The following ZNF583 variants were observed in gnomAD, a reference collection of about 807,000 sequenced individuals.
ZNF583 encodes zinc finger protein 583.
In ZNF583, 30 loss-of-function variants were observed where a neutral mutation model predicts 55.3. That is an observed-to-expected ratio of 0.54 (90% CI 0.41 to 0.74). The LOEUF (loss-of-function observed/expected upper bound fraction) is 0.74, where lower values mean the gene tolerates loss of function less well. Among genes scored for constraint, ZNF583 ranks in the 30% least tolerant of loss-of-function variants. The probability of loss-of-function intolerance (pLI) is 0.00; values close to 1 mark genes in which losing one functional copy is unlikely to be tolerated. For synonymous variants in ZNF583, 208 were observed against 220.0 expected (o/e 0.95, Z 0.48); for missense variants, 504 against 664.7 (o/e 0.76, Z 2.66).
chr19:56,414,637 C>T (rs1441042522), intron 4 of ZNF583, 197 bp downstream of exon 4: 3 of 538,086 alleles, frequency 5.6e-6, no homozygotes, highest in Admixed American at 3.4e-5. Context: ...AAGTTACAGT[C>T]TTCTCTGACA....
rs1461871970 is a variant in ZNF583, at chr19:56,423,769, C to G, written c.1111C>G (p.Gln371Glu). ...FSHRGYLIVHQRIHTGERPYE... is the reference protein window; with the variant it reads ...FSHRGYLIVHERIHTGERPYE... ...CCATCGTGGATACCTAATTGTACAT[C>G]AGAGAATTCATACTGGAGAGAGACC... Residue 371 changes from glutamine (Q) to glutamate (E), a missense_variant, in exon 5 of 5, where the codon CAG becomes GAG. Physicochemically the swap from Gln to Glu is conservative, Grantham distance 29. This residue lies in a region of ZNF583 where 237 missense variants were observed against 373.0 expected (regional missense o/e 0.64). Coordinates refer to ENST00000333201, the MANE Select transcript of ZNF583 (RefSeq NM_152478.3). 1.2e-6 allele frequency: 2 copies of G among 1,611,520 alleles called. No individual in the cohort carries two copies. The highest frequency in any genetic ancestry group is 1.7e-6 in the Non-Finnish European group (2 of 1,179,334).
chr19:56,424,632 C>T lies in ZNF583; in HGVS notation c.*264C>T, dbSNP rs959136436. The T allele has an allele frequency of 1.7e-5, 6 of 359,430 alleles. No individual in the cohort carries two copies. Among genetic ancestry groups the T allele is most frequent in the African/African-American group, 1.0e-4 (5 of 47,920 alleles). The allele number at this position is 359,430 out of a possible 1,614,324, so 22.3% of individuals were successfully genotyped here. A position where few individuals can be genotyped will look rare whatever the true frequency, so the allele number is the denominator to read the frequency against. On this transcript the variant is annotated 3_prime_UTR_variant, in exon 5 of 5. Coordinates refer to ENST00000333201, the MANE Select transcript of ZNF583 (RefSeq NM_152478.3). ...ACATTCTTCAAAATAGCCTAAAAAC[C>T]TAGCCTCTAACACCTTGTTCCAGGT...
intron 2 of ZNF583, among the ~76,000 whole-genome samples, chr19:56,413,721 T>C (rs2042273024): frequency 6.6e-6 from 1 of 152,242 alleles, no homozygotes; most frequent in Non-Finnish European, 1.5e-5. Context: ...AAATCCTTTC[T>C]CTACCAGTAG....
chr19:56,406,855 A>C (rs1478476485), intron 1 of ZNF583, among the ~76,000 whole-genome samples, 171 bp from the exon 2 acceptor site: 1 of 152,178 alleles, frequency 6.6e-6, no homozygotes, highest in Non-Finnish European at 1.5e-5. Flanking sequence ...GATCCAAAGC[A>C]TGTGGGAAAA....
At chr19:56,405,187 G>A (rs1403524428) in intron 1 of ZNF583, among the ~76,000 whole-genome samples, 1 of 152,166 alleles carries the variant, frequency 6.6e-6, no homozygotes, top group Non-Finnish European at 1.5e-5. Context: ...CAGAGTTTTT[G>A]TTGTTGGACT....
chr19:56,410,681 G>A (rs570082288), intron 2 of ZNF583, among the ~76,000 whole-genome samples: 18 of 151,974 alleles, frequency 1.2e-4, no homozygotes, highest in African/African-American at 4.1e-4. Flanking sequence ...CAGCCTGGGC[G>A]ACAGAGCAAG....
At position 56,404,555 on chromosome 19, in the gene ZNF583, G is replaced by A. The variant is rs2042115164; in HGVS notation, c.-90+103G>A. On this transcript the variant is annotated intron_variant, in intron 1 of 4. Coordinates refer to ENST00000333201, the MANE Select transcript of ZNF583 (RefSeq NM_152478.3). This position sits in a 1 kb window ranked among gnomAD's most constrained non-coding sequence, Gnocchi z 5.2. ...AATGTGTGAGACATTAAGGAACCGT[G>A]TGTGACAATGTGTTTGACAGTGTGG... The A allele has an allele frequency of 6.5e-6, 1 of 153,158 alleles. No homozygotes were observed. Among genetic ancestry groups the A allele is most frequent in the African/African-American group, 2.4e-5 (1 of 41,458 alleles). The allele number at this position is 153,158 out of a possible 1,614,324, so 9.5% of individuals were successfully genotyped here.
intron 4 of ZNF583, among the ~76,000 whole-genome samples, chr19:56,420,011 G>A (rs2042389055): frequency 6.6e-6 from 1 of 151,936 alleles, no homozygotes; most frequent in African/African-American, 2.4e-5. Flanking sequence ...ACTTCTTGAG[G>A]TGACATCTTA....
chr19:56,409,487 T>C (rs1465313900), intron 2 of ZNF583, among the ~76,000 whole-genome samples: 1 of 151,378 alleles, frequency 6.6e-6, no homozygotes, highest in Non-Finnish European at 1.5e-5. Context: ...CACATTTTTA[T>C]TGGGTTTCCC....
chr19:56,418,873 G>T (rs1050126696), intron 4 of ZNF583, among the ~76,000 whole-genome samples: 3 of 152,196 alleles, frequency 2.0e-5, no homozygotes, highest in African/African-American at 7.2e-5. Flanking sequence ...TTAAGTCAGT[G>T]TAAGCTGTCA....
intron 2 of ZNF583, among the ~76,000 whole-genome samples, chr19:56,409,471 A>G (rs2147559502): frequency 6.6e-6 from 1 of 151,652 alleles, no homozygotes; most frequent in Non-Finnish European, 1.5e-5. Context: ...GTGGCACCTA[A>G]GAAAACACAT....
intron 2 of ZNF583, among the ~76,000 whole-genome samples, chr19:56,413,509 T>C (rs1480281567): frequency 6.6e-6 from 1 of 152,222 alleles, no homozygotes; most frequent in African/African-American, 2.4e-5. Context: ...ACATTGACCA[T>C]TCCATTGTAC....
rs373398365 is a variant in ZNF583 at position 56,424,405 on chromosome 19, C to T, written c.*37C>T. The T allele has an allele frequency of 3.2e-5, 28 of 872,540 alleles. No homozygotes were observed. Among genetic ancestry groups the T allele is most frequent in the Non-Finnish European group, 4.6e-5 (25 of 539,636 alleles). The allele number at this position is 872,540 out of a possible 1,614,324, so 54.0% of individuals were successfully genotyped here. A position where few individuals can be genotyped will look rare whatever the true frequency, so the allele number is the denominator to read the frequency against. On this transcript the variant is annotated 3_prime_UTR_variant, in exon 5 of 5. Transcript: ENST00000333201. ...ATCCACCTCTTGAATCCATTTCCAT[C>T]CCATCATCCTTGTCCAATGCACATT...
intron 4 of ZNF583, among the ~76,000 whole-genome samples, chr19:56,416,950 T>TA (rs1157258366): frequency 6.6e-6 from 1 of 152,182 alleles, no homozygotes; most frequent in Non-Finnish European, 1.5e-5. Flanking sequence ...TGATCTTTAT[T>TA]TTTTATTAAT....
Position 56,404,923 on chromosome 19 carries a change from C to T in ZNF583, c.-90+471C>T, listed in dbSNP as rs1464421834. The stretch of plus-strand genomic sequence containing the variant: ...GTGTGAACAGTGTGTAAGACCATGT[C>T]ACTGTGTGTGTGACCTGTGTGTGTG... On this transcript the variant is annotated intron_variant, in intron 1 of 4. Coordinates refer to ENST00000333201, the MANE Select transcript of ZNF583 (RefSeq NM_152478.3). The surrounding 1 kb of genome is among the most constrained non-coding windows in gnomAD (Gnocchi z 5.2). Among the ~76,000 whole-genome samples the T allele has an allele frequency of 6.6e-6, 1 of 152,012 alleles. No homozygotes were observed. Among genetic ancestry groups the T allele is most frequent in the African/African-American group, 2.4e-5 (1 of 41,368 alleles).
At chr19:56,414,531 G>C in intron 4 of ZNF583, 91 bp downstream of exon 4, 1 of 1,197,794 alleles carries the variant, frequency 8.3e-7, no homozygotes, top group Admixed American at 2.3e-5. Context: ...ACGTTTCCTG[G>C]GTAGCTCTTC....
At chr19:56,417,927 C>T (rs959139629) in intron 4 of ZNF583, among the ~76,000 whole-genome samples, 4 of 152,094 alleles carry the variant, frequency 2.6e-5, no homozygotes, top group African/African-American at 9.7e-5. Flanking sequence ...TCACCTATCA[C>T]CTTGCTACTT....
Position 56,423,500 on chromosome 19 carries a change from C to G in ZNF583, c.842C>G (p.Ala281Gly). The G allele has an allele frequency of 6.2e-7, 1 of 1,614,022 alleles. No homozygotes were observed. The highest frequency in any genetic ancestry group is 8.5e-7 in the Non-Finnish European group (1 of 1,179,962). Residue 281 changes from alanine to glycine, a missense_variant, in exon 5 of 5, where the codon GCA becomes GGA. Ala to Gly is a moderately conservative substitution (Grantham distance 60, BLOSUM62 0). Coordinates refer to ENST00000333201, the MANE Select transcript of ZNF583 (RefSeq NM_152478.3). ...KECRKAFSQN[A>G]HLAQHQRVHT... ...TGTAGGAAAGCCTTCAGCCAGAATG[C>G]ACACCTGGCCCAACATCAGAGAGTT...
chr19:56,417,377 T>C (rs1271736749), intron 4 of ZNF583, among the ~76,000 whole-genome samples: 2 of 152,344 alleles, frequency 1.3e-5, no homozygotes, highest in Middle Eastern at 3.4e-3. Flanking sequence ...ATTTTAGTCA[T>C]TCTAAAGGTT....
Sources: gnomAD v4.1 joint callset for allele counts (sites outside exome capture counted in the v4.1 genomes callset) on GRCh38, gnomAD v4.1.1 for gene constraint, gnomAD v4.1.1 regional missense constraint, Gnocchi (gnomAD v3.1) non-coding constraint, MANE v1.5 for transcripts, NCBI Gene and HGNC (gene_info 2026-07-23, HGNC 2026-07-21) for gene names.